RANBP10: variants seen among roughly 807,000 people sequenced by gnomAD.
RANBP10 encodes the protein ran-binding protein 10.
In RANBP10, 24 loss-of-function variants were observed where a neutral mutation model predicts 72.8. The observed-to-expected ratio is 0.33, with a 90% confidence interval of 0.24 to 0.46. RANBP10 has a LOEUF of 0.46. RANBP10 is among the 20% of genes least tolerant of loss of function. The probability of loss-of-function intolerance (pLI) is 1.00; values close to 1 mark genes in which losing one functional copy is unlikely to be tolerated. For missense variants in RANBP10, 679 were observed against 817.5 expected (o/e 0.83, Z 2.07); for synonymous variants, 310 against 322.3 (o/e 0.96, Z 0.41).
At chr16:67,731,162 A>T (rs964919384) in intron 7 of RANBP10, 18 of 323,982 alleles carry the variant, frequency 5.6e-5, no homozygotes, top group African/African-American at 1.1e-4. Flanking sequence ...AGAGGAATCC[A>T]GGATTCAGGG....
intron 2 of RANBP10, among the ~76,000 whole-genome samples, chr16:67,778,244 G>A (rs1487643986): frequency 6.6e-6 from 1 of 152,174 alleles, no homozygotes; most frequent in African/African-American, 2.4e-5. Context: ...AGCTACTTGA[G>A]AGGCTGAAGC....
chr16:67,784,502 C>T lies in RANBP10; in HGVS notation c.348-12416G>A, dbSNP rs532845653. 9.1e-4 allele frequency among the ~76,000 whole-genome samples: 138 copies of T among 152,136 alleles called. 2 individuals carry two copies. The highest frequency in any genetic ancestry group is 1.0e-3 in the Admixed American group (16 of 15,276). ...AGAAACCCCGTCTCTACTAAAAATA[C>T]AAAATTAGCCGGGCGTGGTGGCCCA... On this transcript the variant is annotated intron_variant, in intron 2 of 13. Coordinates refer to ENST00000317506, the MANE Select transcript of RANBP10 (RefSeq NM_020850.3).
intron 3 of RANBP10, among the ~76,000 whole-genome samples, chr16:67,771,779 A>C (rs1443835688): frequency 1.3e-5 from 2 of 152,226 alleles, no homozygotes; most frequent in Admixed American, 1.3e-4. Flanking sequence ...ACCTGGAGCA[A>C]ACTCAGGTCA....
chr16:67,788,527 G>C (rs1312486988), intron 2 of RANBP10, among the ~76,000 whole-genome samples: 2 of 151,638 alleles, frequency 1.3e-5, no homozygotes, highest in East Asian at 3.9e-4. Flanking sequence ...AAAGTGCTGG[G>C]ATTACAGCGT....
At chr16:67,742,985 G>T (rs1295128984) in intron 4 of RANBP10, among the ~76,000 whole-genome samples, 3 of 152,194 alleles carry the variant, frequency 2.0e-5, no homozygotes, top group Non-Finnish European at 4.4e-5. Flanking sequence ...TGTGCACCTA[G>T]GTCAGCTTAG....
At position 67,777,164 on chromosome 16, in the gene RANBP10, C is replaced by T. The variant is rs563330135; in HGVS notation, c.348-5078G>A. On this transcript the variant is annotated intron_variant, in intron 2 of 13. Coordinates refer to ENST00000317506, the MANE Select transcript of RANBP10 (RefSeq NM_020850.3). Reference sequence around the variant, plus strand: ...GGTGGAAGTTGCAGTGAGCCAATACCGCAGCATTGCACTCTAGCCTGGGGT... The same window carrying T: ...GGTGGAAGTTGCAGTGAGCCAATACTGCAGCATTGCACTCTAGCCTGGGGT... 7.9e-5 allele frequency among the ~76,000 whole-genome samples: 12 copies of T among 151,056 alleles called. No individual in the cohort carries two copies. In the East Asian group the frequency reaches 2.3e-3, roughly 29 times the overall value.
chr16:67,727,047 C>A (rs1227435249), intron 13 of RANBP10, among the ~76,000 whole-genome samples: 1 of 152,184 alleles, frequency 6.6e-6, no homozygotes, highest in Non-Finnish European at 1.5e-5. Context: ...GTAATCCCAG[C>A]ACTTTGGGAG....
At chr16:67,744,247 GCTCC>G in intron 4 of RANBP10, 37 bp downstream of exon 4, 1 of 1,587,046 alleles carries the variant, frequency 6.3e-7, no homozygotes, top group South Asian at 1.1e-5. Context: ...AACCAAAGTG[GCTCC>G]ACAGAGCAGA....
At chr16:67,767,358 G>A (rs986912890) in intron 3 of RANBP10, among the ~76,000 whole-genome samples, 3 of 150,146 alleles carry the variant, frequency 2.0e-5, no homozygotes, top group Non-Finnish European at 4.4e-5. Context: ...TTGGGAGGCT[G>A]AGGCAGGAAG....
chr16:67,805,371 C>A (rs767652158), intron 2 of RANBP10, 57 bp downstream of exon 2: 8 of 1,511,716 alleles, frequency 5.3e-6, no homozygotes, highest in Non-Finnish European at 7.3e-6. Context: ...GACCTGAACT[C>A]TGACCACAGG....
intron 2 of RANBP10, among the ~76,000 whole-genome samples, chr16:67,796,998 C>T (rs1012904115): frequency 2.6e-5 from 4 of 152,182 alleles, no homozygotes; most frequent in African/African-American, 9.7e-5. Flanking sequence ...TCCAACTTGA[C>T]CCGACCACAC....
chr16:67,770,768 G>A (rs2054593707), intron 3 of RANBP10, among the ~76,000 whole-genome samples: 2 of 152,150 alleles, frequency 1.3e-5, no homozygotes, highest in Admixed American at 6.6e-5. Context: ...TTAGCCAGGT[G>A]TGGTAGCACA....
At chr16:67,735,750 A>G (rs2053832718) in intron 5 of RANBP10, 1 of 151,470 alleles carries the variant, frequency 6.6e-6, no homozygotes, top group Admixed American at 6.6e-5. Flanking sequence ...GACAAGAGTG[A>G]GTCCCTGTCT....
rs143933147 is a variant in RANBP10 at position 67,805,553 on chromosome 16, G to C, written c.236-14C>G. The C allele has an allele frequency of 4.7e-5, 75 of 1,607,844 alleles. No homozygotes were observed. In the East Asian group the frequency reaches 1.6e-3, roughly 34 times the overall value. On this transcript the variant is annotated splice_polypyrimidine_tract_variant and intron_variant, in intron 1 of 13. Transcript: ENST00000317506. ...TTTTGCCATGACCTAACAGGAGAGGGCAAGTAAGAAATTTCAGCAGAAGGA... is the reference window on the plus strand; with the variant it reads ...TTTTGCCATGACCTAACAGGAGAGGCCAAGTAAGAAATTTCAGCAGAAGGA...
intron 3 of RANBP10, among the ~76,000 whole-genome samples, chr16:67,748,981 A>G (rs114576585): frequency 0.012 from 1,803 of 152,288 alleles, 31 homozygotes; most frequent in African/African-American, 0.036. Context: ...TGGCATGGGT[A>G]GAGGCTCTCT....
intron 2 of RANBP10, among the ~76,000 whole-genome samples, chr16:67,800,150 A>G (rs2055209234): frequency 6.6e-6 from 1 of 152,038 alleles, no homozygotes; most frequent in Admixed American, 6.5e-5. Context: ...ACAACCAAAA[A>G]AAAAAAACAA....
At chr16:67,749,552 A>G (rs1321697666) in intron 3 of RANBP10, among the ~76,000 whole-genome samples, 3 of 152,234 alleles carry the variant, frequency 2.0e-5, no homozygotes, top group African/African-American at 7.2e-5. Flanking sequence ...TGCCTGGCTC[A>G]GGGAACATGT....
chr16:67,763,861 A>G (rs1375343840), intron 3 of RANBP10, among the ~76,000 whole-genome samples: 5 of 152,124 alleles, frequency 3.3e-5, no homozygotes, highest in Non-Finnish European at 5.9e-5. Flanking sequence ...CGCCCGGCTA[A>G]TTTTTTTGTA....
chr16:67,806,345 G>A lies in RANBP10; in HGVS notation c.192C>T (p.Asn64=). ...GGTTGCCCTGGGAGAGACCAATGTAGTTGTATTTGTCCTTGGGGCTCCAGG... is the reference window on the plus strand; with the variant it reads ...GGTTGCCCTGGGAGAGACCAATGTAATTGTATTTGTCCTTGGGGCTCCAGG... ...PRSWSPKDKY[N]YIGLSQGNLR... Residue 64 remains asparagine (N), a synonymous_variant, in exon 1 of 14, where the codon AAC becomes AAT. Coordinates refer to ENST00000317506, the MANE Select transcript of RANBP10 (RefSeq NM_020850.3). 6.2e-7 allele frequency: 1 copy of A among 1,613,608 alleles called. No homozygotes were observed. The highest frequency in any genetic ancestry group is 8.5e-7 in the Non-Finnish European group (1 of 1,179,778).
Sources: allele counts gnomAD v4.1 joint callset (sites outside exome capture counted in the v4.1 genomes callset), GRCh38; gene constraint gnomAD v4.1.1; transcripts MANE v1.5; gene names NCBI Gene and HGNC (gene_info 2026-07-23, HGNC 2026-07-21).